MRTFA: variants seen among roughly 807,000 people sequenced by gnomAD.
MRTFA encodes the protein myocardin-related transcription factor A.
A neutral mutation model predicts 83.5 loss-of-function variants in MRTFA; 20 were observed. The ratio of observed to expected loss-of-function variants is 0.24; its 90% CI spans 0.17 to 0.35. MRTFA has a LOEUF of 0.35. MRTFA is among the 10% of genes least tolerant of loss of function. MRTFA has a pLI of 1.00. For missense variants in MRTFA, 1,200 were observed against 1,224.7 expected, an observed-to-expected ratio of 0.98 and a Z score of 0.30; for synonymous variants, 659 against 541.2, an observed-to-expected ratio of 1.22 and a Z score of -3.02.
chr22:40,443,863 C>G, intron 4 of MRTFA, among the ~76,000 whole-genome samples: 1 of 152,226 alleles, frequency 6.6e-6, no homozygotes, highest in East Asian at 1.9e-4. Context: ...GCACCTCTCC[C>G]AGTCCCTGCT....
At chr22:40,502,357 C>A (rs1424613590) in intron 3 of MRTFA, among the ~76,000 whole-genome samples, 1 of 112,400 alleles carries the variant, frequency 8.9e-6, no homozygotes, top group Admixed American at 8.1e-5. Flanking sequence ...GGCGGCCGGG[C>A]AGAGACGCTC....
intron 2 of MRTFA, among the ~76,000 whole-genome samples, chr22:40,558,703 A>G (rs1410960927): frequency 6.6e-6 from 1 of 152,094 alleles, no homozygotes; most frequent in Non-Finnish European, 1.5e-5. Context: ...CCCCCAAAAG[A>G]AAGCCAACCC....
intron 3 of MRTFA, among the ~76,000 whole-genome samples, chr22:40,489,101 T>TA (rs2054223561): frequency 6.6e-6 from 1 of 151,860 alleles, no homozygotes; most frequent in Non-Finnish European, 1.5e-5. Context: ...AATAAAGCTA[T>TA]AAAAAAAGAA....
chr22:40,552,699 A>T (rs1241236678), intron 2 of MRTFA, among the ~76,000 whole-genome samples: 1 of 152,256 alleles, frequency 6.6e-6, no homozygotes, highest in African/African-American at 2.4e-5. Flanking sequence ...ACTGTGAATC[A>T]ATTAAATCTC....
intron 3 of MRTFA, among the ~76,000 whole-genome samples, chr22:40,489,980 A>AAAAAG (rs2054245007): frequency 6.6e-6 from 1 of 151,694 alleles, no homozygotes; most frequent in South Asian, 2.1e-4. Context: ...GCAAAAAAAA[A>AAAAAG]AAAAAAAATC....
intron 2 of MRTFA, among the ~76,000 whole-genome samples, chr22:40,571,921 CAAAAAAAAAAAAAA>C (rs557782525): frequency 1.1e-4 from 2 of 18,734 alleles, no homozygotes; most frequent in African/African-American, 2.3e-4. Context: ...AAGACTCTGT[CAAAAAAAAAAAAAA>C]AAAAAAAAAA....
chr22:40,609,933 G>GT (rs1406725392), intron 1 of MRTFA, among the ~76,000 whole-genome samples: 3 of 151,852 alleles, frequency 2.0e-5, no homozygotes, highest in African/African-American at 7.3e-5. Flanking sequence ...TAGCTTGAGC[G>GT]TAAGTACAAA....
chr22:40,572,780 C>T (rs897854650), intron 2 of MRTFA, among the ~76,000 whole-genome samples: 1 of 152,130 alleles, frequency 6.6e-6, no homozygotes, highest in Non-Finnish European at 1.5e-5. Context: ...GGGAAACTCC[C>T]GTTTCTAAAA....
At chr22:40,539,326 G>T (rs1265048836) in intron 3 of MRTFA, among the ~76,000 whole-genome samples, 2 of 149,764 alleles carry the variant, frequency 1.3e-5, no homozygotes, top group East Asian at 4.0e-4. Flanking sequence ...AACAGTTTTG[G>T]CAGTTATTAA....
chr22:40,543,149 C>T (rs1433117968), intron 3 of MRTFA, among the ~76,000 whole-genome samples: 3 of 152,060 alleles, frequency 2.0e-5, no homozygotes, highest in Non-Finnish European at 4.4e-5. Flanking sequence ...TTCAACTGGG[C>T]GACCTAATCT....
rs1248420777 is a variant in MRTFA, at chr22:40,418,441, T to A, written c.2297A>T (p.His766Leu). The A allele has an allele frequency of 6.2e-7, 1 of 1,613,880 alleles. No homozygotes were observed. Among genetic ancestry groups the A allele is most frequent in the Non-Finnish European group, 8.5e-7 (1 of 1,179,892 alleles). ...CTTATTGGTCACGGTGAGGACAAGG[T>A]GGGTCCCTGTGGAGTCGGTGATGAG... is the stretch of plus-strand genomic sequence containing the variant. Residue 766 changes from histidine to leucine, a missense_variant, in exon 12 of 15, where the codon CAC becomes CTC. This residue lies in a region of MRTFA where 1,107 missense variants were observed against 1,041.8 expected (regional missense o/e 1.06). Transcript: ENST00000355630.
Position 40,420,835 on chromosome 22 carries a change from G to C in MRTFA, c.1181+12C>G. 1 of 1,613,048 alleles carries C rather than the reference G, an allele frequency of 6.2e-7. No individual in the cohort carries two copies. The highest frequency in any genetic ancestry group is 8.5e-7 in the Non-Finnish European group (1 of 1,179,908). On this transcript the variant is annotated intron_variant, in intron 10 of 14. Transcript: ENST00000355630. ...GGAGGGCAGGGGCAGGCAGTGAGGA[G>C]CGGGTGCCTACTTTGGCGGGGCAGG...
chr22:40,529,322 T>C (rs970430761), intron 3 of MRTFA, among the ~76,000 whole-genome samples: 15 of 152,194 alleles, frequency 9.9e-5, no homozygotes, highest in African/African-American at 3.4e-4. Flanking sequence ...AAATATTTTA[T>C]TTTTATTTTT....
At chr22:40,636,164 G>A (rs926408250) in intron 1 of MRTFA, among the ~76,000 whole-genome samples, 2 of 152,166 alleles carry the variant, frequency 1.3e-5, no homozygotes, top group African/African-American at 4.8e-5. Context: ...ACACATCCCG[G>A]GAGAAGCGAG....
intron 1 of MRTFA, among the ~76,000 whole-genome samples, chr22:40,619,889 CAAAA>C (rs1213944103): frequency 1.9e-5 from 1 of 52,436 alleles, no homozygotes. Flanking sequence ...AACTCCGTCT[CAAAA>C]AAAAAAAAAA....
At chr22:40,553,019 A>C (rs1340509535) in intron 2 of MRTFA, among the ~76,000 whole-genome samples, 1 of 152,176 alleles carries the variant, frequency 6.6e-6, no homozygotes, top group Non-Finnish European at 1.5e-5. Context: ...AACTTGTTGG[A>C]AACTTATATA....
chr22:40,410,448 G>A lies in MRTFA; in HGVS notation c.*942C>T. 1 of 233,512 alleles carries A rather than the reference G, an allele frequency of 4.3e-6. No homozygotes were observed. The highest frequency in any genetic ancestry group is 2.2e-5 in the African/African-American group (1 of 45,430). The allele number at this position is 233,512 out of a possible 1,614,324, so 14.5% of individuals were successfully genotyped here. A position where few individuals can be genotyped will look rare whatever the true frequency, so the allele number is the denominator to read the frequency against. On this transcript the variant is annotated 3_prime_UTR_variant, in exon 15 of 15. Transcript: ENST00000355630. ...TGGCCACCCCTCAGCCCCACCGCAG[G>A]GTGAAGCTGGGCCCGAAGCTCCTCC...
intron 3 of MRTFA, among the ~76,000 whole-genome samples, chr22:40,491,550 A>G (rs576390066): frequency 2.3e-4 from 35 of 152,348 alleles, no homozygotes; most frequent in Middle Eastern, 3.4e-3. Flanking sequence ...TCAAGTATTC[A>G]ACAGACAGAA....
chr22:40,500,915 T>C (rs1237624140), intron 3 of MRTFA, among the ~76,000 whole-genome samples: 2 of 148,608 alleles, frequency 1.3e-5, no homozygotes, highest in African/African-American at 5.0e-5. Context: ...TGGGCACACC[T>C]CCCAGACGGG....
Sources: gnomAD v4.1 joint callset for allele counts (sites outside exome capture counted in the v4.1 genomes callset) on GRCh38, gnomAD v4.1.1 for gene constraint, gnomAD v4.1.1 regional missense constraint, MANE v1.5 for transcripts, NCBI Gene and HGNC (gene_info 2026-07-23, HGNC 2026-07-21) for gene names.